GRB7: variants seen among roughly 807,000 people sequenced by gnomAD.
GRB7 encodes the protein growth factor receptor-bound protein 7.
GRB7 carries 47 observed loss-of-function variants against 64.1 expected under a neutral mutation model. The observed-to-expected ratio is 0.73, with a 90% CI of 0.58 to 0.94. The LOEUF is 0.94. Ranked by LOEUF, GRB7 falls within the 40% of genes least tolerant of loss-of-function variation. The pLI, the probability that GRB7 is intolerant of heterozygous loss-of-function variation, is 0.00. For synonymous variants in GRB7, 277 were observed against 279.9 expected (o/e 0.99, Z 0.10); for missense variants, 634 against 718.4 (o/e 0.88, Z 1.34).
chr17:39,744,914 G>C lies in GRB7; in HGVS notation c.941G>C (p.Gly314Ala), dbSNP rs773245217. 2.2e-5 allele frequency: 35 copies of C among 1,613,988 alleles called. No individual in the cohort carries two copies. The highest frequency in any genetic ancestry group is 3.3e-4 in the Middle Eastern group (2 of 6,084). The change falls in exon 9 of 15, where the codon GGG (glycine) becomes GCG (alanine). Residue 314 changes from glycine (G) to alanine (A), a missense_variant. Around this residue, in one of 2 missense-constraint regions of GRB7, gnomAD observed 467 missense variants for 576.6 expected, o/e 0.81. Transcript: ENST00000309156. Reference protein sequence around the residue: ...KPNKLRNGHKGLRIFCSEDEQ... With the variant: ...KPNKLRNGHKALRIFCSEDEQ... ...AACAAGCTTCGAAATGGCCACAAGG[G>C]GCTTCGGATCTTCTGCAGTGAAGAT...
Position 39,741,415 on chromosome 17 carries a change from C to T in GRB7, c.-50-837C>T, listed in dbSNP as rs112740623. 1.6e-3 allele frequency among the ~76,000 whole-genome samples: 246 copies of T among 152,298 alleles called. 3 individuals are homozygous for T. The highest frequency in any genetic ancestry group is 5.5e-3 in the African/African-American group (227 of 41,566). Reference sequence around the variant, plus strand: ...CTCCCCCTTGCACTGCAGCGGAGCCCGCTCTCCTGCCTTTCTGACTCCCAT... The same window carrying T: ...CTCCCCCTTGCACTGCAGCGGAGCCTGCTCTCCTGCCTTTCTGACTCCCAT... On this transcript the variant is annotated intron_variant, in intron 1 of 14. Coordinates refer to ENST00000309156, the MANE Select transcript of GRB7 (RefSeq NM_005310.5).
intron 12 of GRB7, 43 bp from the exon 13 acceptor site, chr17:39,745,870 G>A (rs371077901): frequency 6.2e-7 from 1 of 1,611,700 alleles, no homozygotes; most frequent in Non-Finnish European, 8.5e-7. Flanking sequence ...TGGTATAGGG[G>A]TCCCCTCCCC....
At chr17:39,739,798 G>T (rs1273180112) in intron 1 of GRB7, among the ~76,000 whole-genome samples, 7 of 152,144 alleles carry the variant, frequency 4.6e-5, no homozygotes. Flanking sequence ...TTTGGGGGTC[G>T]GTGTTTCCAA....
At chr17:39,741,570 G>A (rs1362476880) in intron 1 of GRB7, among the ~76,000 whole-genome samples, 6 of 152,260 alleles carry the variant, frequency 3.9e-5, no homozygotes, top group Non-Finnish European at 4.4e-5. Flanking sequence ...ACAGCCCAGC[G>A]CAGTGAGTGC....
In GRB7 at chr17:39,746,760, G is replaced by A. The variant is rs755161403; in HGVS notation, c.1462G>A (p.Glu488Lys). ...CTTTACTGTACCCCAGAGCGAGGAG[G>A]AGGGCCGCCTGTACTTCAGCATGGA... ...KHYLILPSEE[E>K]GRLYFSMDDG... The change falls in exon 15 of 15, where the codon GAG (glutamate) becomes AAG (lysine). Residue 488 changes from glutamate (E) to lysine (K), a missense_variant. By Grantham distance (56) the Glu-to-Lys change is moderately conservative (BLOSUM62 1). Around this residue, in one of 2 missense-constraint regions of GRB7, gnomAD observed 467 missense variants for 576.6 expected, o/e 0.81. Coordinates refer to ENST00000309156, the MANE Select transcript of GRB7 (RefSeq NM_005310.5). 8 of 1,613,844 alleles carry A rather than the reference G, an allele frequency of 5.0e-6. No individual in the cohort carries two copies. The highest frequency in any genetic ancestry group is 6.8e-6 in the Non-Finnish European group (8 of 1,179,980).
chr17:39,746,150 T>C lies in GRB7; in HGVS notation c.1400T>C (p.Phe467Ser). The C allele has an allele frequency of 6.2e-7, 1 of 1,614,080 alleles. No homozygotes were observed. Among genetic ancestry groups the C allele is most frequent in the Non-Finnish European group, 8.5e-7 (1 of 1,179,994 alleles). ...VRESQRNPQG[F>S]VLSLCHLQKV... is the part of the protein sequence containing the mutation. ...GAGAGTCAGCGGAACCCCCAGGGCT[T>C]TGTCCTCTCTTTGTGCCACCTGCAG... Residue 467 changes from phenylalanine (F) to serine (S), a missense_variant, in exon 14 of 15, where the codon TTT becomes TCT. Coordinates refer to ENST00000309156, the MANE Select transcript of GRB7 (RefSeq NM_005310.5).
intron 6 of GRB7, 74 bp from the exon 7 acceptor site, chr17:39,743,994 AAG>A: frequency 1.3e-6 from 2 of 1,564,784 alleles, no homozygotes; most frequent in East Asian, 2.3e-5. Flanking sequence ...GAAAAAGAAA[AAG>A]AGAAACATCC....
At chr17:39,743,153 AC>A in intron 4 of GRB7, 26 bp from the exon 5 acceptor site, 1 of 1,612,948 alleles carries the variant, frequency 6.2e-7, no homozygotes, top group Non-Finnish European at 8.5e-7. Flanking sequence ...ATCTCCAATA[AC>A]CCCTGCTTTT....
intron 1 of GRB7, among the ~76,000 whole-genome samples, chr17:39,739,208 G>A (rs1012483423): frequency 7.1e-6 from 1 of 140,048 alleles, no homozygotes; most frequent in African/African-American, 2.7e-5. Context: ...TTGGTCCGCC[G>A]GTCTTGGACT....
At chr17:39,738,871 A>G in intron 1 of GRB7, 1 of 1,534,114 alleles carries the variant, frequency 6.5e-7, no homozygotes, top group Non-Finnish European at 8.7e-7. Context: ...TCCAGATTGT[A>G]TGCCCTTCTC....
chr17:39,744,874 C>T lies in GRB7; in HGVS notation c.913-12C>T. ...GGCAGATATGGGACCAGTCAATTTC[C>T]TCTCTCTGCAGCCCAACAAGCTTCG... is the stretch of plus-strand genomic sequence containing the variant. On this transcript the variant is annotated splice_polypyrimidine_tract_variant and intron_variant, in intron 8 of 14. Coordinates refer to ENST00000309156, the MANE Select transcript of GRB7 (RefSeq NM_005310.5). 1 of 1,610,534 alleles carries T rather than the reference C, an allele frequency of 6.2e-7. No individual in the cohort carries two copies. The highest frequency in any genetic ancestry group is 1.1e-5 in the South Asian group (1 of 91,026).
rs1337672414 is a variant in GRB7 at position 39,742,607 on chromosome 17, C to G, written c.197C>G (p.Ser66Cys). ...EEERRATSLP[S>C]IPNPFPELCS... is the part of the protein sequence containing the mutation. The stretch of plus-strand genomic sequence containing the variant: ...GAGAGGCGTGCCACCTCCCTCCCCT[C>G]TATCCCCAACCCCTTCCCTGAGCTC... The change falls in exon 3 of 15, where the codon TCT (serine) becomes TGT (cysteine). Residue 66 changes from serine (S) to cysteine (C), a missense_variant. Transcript: ENST00000309156. 1.2e-6 allele frequency: 2 copies of G among 1,613,882 alleles called. No individual in the cohort carries two copies. The highest frequency in any genetic ancestry group is 1.1e-5 in the South Asian group (1 of 91,044).
chr17:39,742,370 C>A lies in GRB7; in HGVS notation c.69C>A (p.Thr23=), dbSNP rs200479403. 2.7e-5 allele frequency: 44 copies of A among 1,613,740 alleles called. No individual in the cohort carries two copies. Among genetic ancestry groups the A allele is most frequent in the Middle Eastern group, 1.6e-4 (1 of 6,084 alleles). The part of the protein sequence containing the change: ...SPEDLCPAPG[T]PPGTPRPPDT... ...AAGACCTTTGCCCAGCCCCTGGGAC[C>A]CCTCCTGGGACTCCCCGGCCCCCTG... Residue 23 remains threonine (T), a synonymous_variant, in exon 2 of 15, where the codon ACC becomes ACA. Coordinates refer to ENST00000309156, the MANE Select transcript of GRB7 (RefSeq NM_005310.5).
chr17:39,743,652 G>C (rs1445363014), intron 6 of GRB7, 182 bp downstream of exon 6: 1 of 622,688 alleles, frequency 1.6e-6, no homozygotes, highest in African/African-American at 1.8e-5. Flanking sequence ...ATGGGGGCGA[G>C]AAATGCATGT....
intron 7 of GRB7, 48 bp from the exon 8 acceptor site, chr17:39,744,505 G>A (rs760931287): frequency 1.4e-6 from 2 of 1,471,958 alleles, no homozygotes; most frequent in Non-Finnish European, 1.9e-6. Flanking sequence ...GGAGGTAATA[G>A]TGGGCGGGAT....
At chr17:39,740,109 T>C in intron 1 of GRB7, 1 of 985,622 alleles carries the variant, frequency 1.0e-6, no homozygotes, top group Non-Finnish European at 1.2e-6. Context: ...GTCTGTGATT[T>C]CGAGGCAGGC....
chr17:39,744,322 A>C (rs543789762), intron 7 of GRB7, 115 bp downstream of exon 7: 1 of 1,264,656 alleles, frequency 7.9e-7, no homozygotes, highest in East Asian at 2.3e-5. Flanking sequence ...CAGGCCAGCC[A>C]CCTCCAGTTT....
chr17:39,740,844 C>T (rs2059988819), intron 1 of GRB7, among the ~76,000 whole-genome samples: 1 of 152,164 alleles, frequency 6.6e-6, no homozygotes, highest in African/African-American at 2.4e-5. Context: ...ACCTGTCCCC[C>T]AAATCCCCTG....
In GRB7 at chr17:39,742,243, T is replaced by C. The variant is rs2060000576; in HGVS notation, c.-50-9T>C. ...AGGAGGTCTGAATTCTCTCATCCCC[T>C]CTCCCCAGGACAAGGGCACACAACT... On this transcript the variant is annotated splice_polypyrimidine_tract_variant and intron_variant, in intron 1 of 14. Coordinates refer to ENST00000309156, the MANE Select transcript of GRB7 (RefSeq NM_005310.5). 1 of 1,608,484 alleles carries C rather than the reference T, an allele frequency of 6.2e-7. No individual in the cohort carries two copies. The highest frequency in any genetic ancestry group is 2.2e-5 in the East Asian group (1 of 44,844).
Sources: gnomAD v4.1 joint callset for allele counts (sites outside exome capture counted in the v4.1 genomes callset) on GRCh38, gnomAD v4.1.1 for gene constraint, gnomAD v4.1.1 regional missense constraint, MANE v1.5 for transcripts, NCBI Gene and HGNC (gene_info 2026-07-23, HGNC 2026-07-21) for gene names.